The following SP5 variants were observed in gnomAD, a reference collection of about 807,000 sequenced individuals.
The protein encoded by SP5 is Sp5 transcription factor.
Under a neutral mutation model 27.4 loss-of-function variants are expected in SP5, and 12 were observed. That is an observed-to-expected ratio of 0.44 (90% CI 0.28 to 0.71). SP5 has a LOEUF of 0.71. Ranked by LOEUF, SP5 falls within the 30% of genes least tolerant of loss-of-function variation. The probability of loss-of-function intolerance (pLI) is 0.15; values close to 1 mark genes in which losing one functional copy is unlikely to be tolerated. For synonymous variants in SP5, 330 were observed against 290.7 expected, an observed-to-expected ratio of 1.14 and a Z score of -1.38; for missense variants, 660 against 589.8, an observed-to-expected ratio of 1.12 and a Z score of -1.23.
At position 170,716,894 on chromosome 2, in the gene SP5, T is replaced by C; in HGVS notation, c.687T>C (p.Ala229=). The part of the protein sequence containing the change: ...APRFPASAAA[A]AAAAAALQRG... ...GCTTCCCCGCCTCTGCGGCCGCTGC[T>C]GCTGCGGCCGCCGCCGCCCTACAAA... The change falls in exon 2 of 2, where the codon GCT becomes GCC. Residue 229 remains alanine, a synonymous_variant. Transcript: ENST00000375281. 6.6e-7 allele frequency: 1 copy of C among 1,524,526 alleles called. No homozygotes were observed. Among genetic ancestry groups the C allele is most frequent in the African/African-American group, 1.4e-5 (1 of 69,560 alleles). The allele number at this position is 1,524,526 out of a possible 1,614,324, so 94.4% of individuals were successfully genotyped here.
intron 1 of SP5, 181 bp from the exon 2 acceptor site, chr2:170,716,078 G>A: frequency 1.4e-6 from 2 of 1,400,578 alleles, no homozygotes; most frequent in Non-Finnish European, 1.8e-6. Context: ...GGTAGCGCAG[G>A]CACCAAAAGT....
chr2:170,716,465 G>C lies in SP5; in HGVS notation c.258G>C (p.Pro86=). 1.2e-6 allele frequency: 2 copies of C among 1,606,972 alleles called. No individual in the cohort carries two copies. The highest frequency in any genetic ancestry group is 1.7e-6 in the Non-Finnish European group (2 of 1,179,028). The change falls in exon 2 of 2, where the codon CCG becomes CCC. Residue 86 remains proline, a synonymous_variant. Transcript: ENST00000375281. ...CGGCGCACTCGCCAGGCGCACTGCCGCCCCCGCATCCCAGCTTGGGGCTGA... is the reference window on the plus strand; with the variant it reads ...CGGCGCACTCGCCAGGCGCACTGCCCCCCCCGCATCCCAGCTTGGGGCTGA... The part of the protein sequence containing the change: ...DMPAHSPGAL[P]PPHPSLGLTP...
At position 170,717,370 on chromosome 2, in the gene SP5, C is replaced by T. The variant is rs758670097; in HGVS notation, c.1163C>T (p.Ala388Val). ...AATAAGAAGCTCAAAGTCGCTGAGGCCGGGGTTAAGCGGGAGGACGCGCGG... is the reference window on the plus strand; with the variant it reads ...AATAAGAAGCTCAAAGTCGCTGAGGTCGGGGTTAAGCGGGAGGACGCGCGG... ...HQNKKLKVAE[A>V]GVKREDARDL The change falls in exon 2 of 2, where the codon GCC becomes GTC. Residue 388 changes from alanine to valine, a missense_variant. Ala to Val is a moderately conservative substitution (Grantham distance 64). Coordinates refer to ENST00000375281, the MANE Select transcript of SP5 (RefSeq NM_001003845.3). 2.5e-6 allele frequency: 4 copies of T among 1,611,236 alleles called. No homozygotes were observed. Among genetic ancestry groups the T allele is most frequent in the African/African-American group, 1.3e-5 (1 of 75,072 alleles).
chr2:170,717,142 A>C lies in SP5; in HGVS notation c.935A>C (p.His312Pro). 1.9e-6 allele frequency: 3 copies of C among 1,603,466 alleles called. No homozygotes were observed. The highest frequency in any genetic ancestry group is 2.6e-6 in the Non-Finnish European group (3 of 1,176,132). ...GGCAAGGTGTACGGGAAGACGTCGC[A>C]CCTGAAGGCGCACCTGCGCTGGCAC... Reference protein sequence around the residue: ...GCGKVYGKTSHLKAHLRWHTG... With the variant: ...GCGKVYGKTSPLKAHLRWHTG... The change falls in exon 2 of 2, where the codon CAC (histidine) becomes CCC (proline). Residue 312 changes from histidine to proline, a missense_variant. Coordinates refer to ENST00000375281, the MANE Select transcript of SP5 (RefSeq NM_001003845.3).
rs147886005 is a variant in SP5 at position 170,715,466 on chromosome 2, CGGCGGCGGCGTCCCGCT to C, written c.-46_-30del. The C allele has an allele frequency of 5.6e-4, 871 of 1,542,642 alleles. 3 individuals carry two copies. The African/African-American group carries it at 0.011, about 19-fold the overall frequency. ...TCCTCGCCTTCGGGTGTCCATGCCT[CGGCGGCGGCGTCCCGCT>C]CCGCAGCCAGGGGCCTGCAAGCCGT... is the stretch of plus-strand genomic sequence containing the variant. On this transcript the variant is annotated 5_prime_UTR_variant, in exon 1 of 2. An upstream open reading frame in the 5' UTR loses its in-frame stop. Coordinates refer to ENST00000375281, the MANE Select transcript of SP5 (RefSeq NM_001003845.3).
At position 170,716,755 on chromosome 2, in the gene SP5, C is replaced by A; in HGVS notation, c.548C>A (p.Ala183Asp). ...PTCRQLSPNP[A>D]PDDLPWWSIP... ...TGCCGCCAGTTGTCACCCAACCCGGCCCCCGACGACCTCCCGTGGTGGAGC... is the reference window on the plus strand; with the variant it reads ...TGCCGCCAGTTGTCACCCAACCCGGACCCCGACGACCTCCCGTGGTGGAGC... The change falls in exon 2 of 2, where the codon GCC (alanine) becomes GAC (aspartate). Residue 183 changes from alanine to aspartate, a missense_variant. Ala to Asp is a moderately radical substitution (Grantham distance 126, BLOSUM62 -2). Transcript: ENST00000375281. The A allele has an allele frequency of 2.7e-6, 4 of 1,459,014 alleles. No homozygotes were observed. Among genetic ancestry groups the A allele is most frequent in the Non-Finnish European group, 3.6e-6 (4 of 1,112,512 alleles). The allele number at this position is 1,459,014 out of a possible 1,614,324, so 90.4% of individuals were successfully genotyped here.
intron 1 of SP5, chr2:170,715,929 C>A: frequency 1.5e-6 from 2 of 1,339,044 alleles, no homozygotes; most frequent in Non-Finnish European, 1.9e-6. Context: ...GGGTGTTTCC[C>A]GACTCTTACT....
At position 170,717,284 on chromosome 2, in the gene SP5, C is replaced by T. The variant is rs1380693652; in HGVS notation, c.1077C>T (p.Pro359=). ...CGGGCGAGAAGCGCTTTGCCTGTCCCGAGTGCGGCAAGCGCTTCATGCGCA... is the reference window on the plus strand; with the variant it reads ...CGGGCGAGAAGCGCTTTGCCTGTCCTGAGTGCGGCAAGCGCTTCATGCGCA... ...THTGEKRFAC[P]ECGKRFMRSD... Residue 359 remains proline, a synonymous_variant, in exon 2 of 2, where the codon CCC becomes CCT. Coordinates refer to ENST00000375281, the MANE Select transcript of SP5 (RefSeq NM_001003845.3). The T allele has an allele frequency of 1.2e-6, 2 of 1,609,864 alleles. No individual in the cohort carries two copies. Among genetic ancestry groups the T allele is most frequent in the East Asian group, 2.2e-5 (1 of 44,860 alleles).
rs1487683599 is a variant in SP5, at chr2:170,715,361, G to C, written c.-152G>C. 3.0e-6 allele frequency: 3 copies of C among 1,007,238 alleles called. No homozygotes were observed. Among genetic ancestry groups the C allele is most frequent in the Non-Finnish European group, 2.7e-6 (2 of 745,630 alleles). The allele number at this position is 1,007,238 out of a possible 1,614,324, so 62.4% of individuals were successfully genotyped here. On this transcript the variant is annotated 5_prime_UTR_variant, in exon 1 of 2. Coordinates refer to ENST00000375281, the MANE Select transcript of SP5 (RefSeq NM_001003845.3). The stretch of plus-strand genomic sequence containing the variant: ...CAGACCGCGCGCGGGGCGAGCGAGC[G>C]GGGCGCGGCGAGGGGCAAGGGCGGG...
At position 170,716,798 on chromosome 2, in the gene SP5, CG is replaced by C; in HGVS notation, c.594del (p.Pro199ArgfsTer115). ...PWWSIPQAGAGPGASGVPGSG... is the reference protein window; with the variant it reads ...PWWSIPQAGAXPGASGVPGSG... ...GGTGGAGCATCCCGCAGGCGGGCGC[CG>C]GGCCGGGGGCCTCCGGGGTTCCGGG... is the stretch of plus-strand genomic sequence containing the variant. On this transcript the variant is annotated frameshift_variant, in exon 2 of 2. Coordinates refer to ENST00000375281, the MANE Select transcript of SP5 (RefSeq NM_001003845.3). LOFTEE classifies it high-confidence loss of function. The C allele has an allele frequency of 7.1e-7, 1 of 1,400,556 alleles. No homozygotes were observed. The highest frequency in any genetic ancestry group is 9.2e-7 in the Non-Finnish European group (1 of 1,082,460). The allele number at this position is 1,400,556 out of a possible 1,614,324, so 86.8% of individuals were successfully genotyped here.
Position 170,716,627 on chromosome 2 carries a change from C to T in SP5, c.420C>T (p.Ala140=). 6.2e-7 allele frequency: 1 copy of T among 1,607,604 alleles called. No homozygotes were observed. Among genetic ancestry groups the T allele is most frequent in the Non-Finnish European group, 8.5e-7 (1 of 1,178,136 alleles). ...MLPSSMAALP[A]SCAPAYVPYA... is the part of the protein sequence containing the mutation. ...CCTCGAGCATGGCGGCTCTGCCCGC[C>T]AGCTGCGCGCCCGCCTACGTGCCCT... The change falls in exon 2 of 2, where the codon GCC becomes GCT. Residue 140 remains alanine (A), a synonymous_variant. Coordinates refer to ENST00000375281, the MANE Select transcript of SP5 (RefSeq NM_001003845.3).
In SP5 at chr2:170,717,076, CG is replaced by C; in HGVS notation, c.873del (p.Lys292ArgfsTer22). 1 of 1,561,110 alleles carries C rather than the reference CG, an allele frequency of 6.4e-7. No homozygotes were observed. Among genetic ancestry groups the C allele is most frequent in the Non-Finnish European group, 8.7e-7 (1 of 1,153,894 alleles). ...QAAGGAPEAE[P>X]GKKKQHVCHV... ...GCGGGCGGCGCCCCCGAGGCGGAGCCGGGGAAGAAGAAGCAGCACGTGTGCC... is the reference window on the plus strand; with the variant it reads ...GCGGGCGGCGCCCCCGAGGCGGAGCCGGGAAGAAGAAGCAGCACGTGTGCC... On this transcript the variant is annotated frameshift_variant, in exon 2 of 2. Transcript: ENST00000375281. LOFTEE classifies it high-confidence loss of function.
In SP5 at chr2:170,716,134, G is replaced by A. The variant is rs1575381246; in HGVS notation, c.52-125G>A. ...GTGCGTGGGGTGCGGTGGCGGGGGA[G>A]GGACGGCCGGGACGGAGGAGGGGCG... On this transcript the variant is annotated intron_variant, in intron 1 of 1. Coordinates refer to ENST00000375281, the MANE Select transcript of SP5 (RefSeq NM_001003845.3). 7.1e-6 allele frequency: 10 copies of A among 1,411,264 alleles called. No homozygotes were observed. The East Asian group carries it at 2.2e-4, about 31-fold the overall frequency. 87.4% of individuals were successfully genotyped at this position (1,411,264 alleles called of 1,614,324 possible). A position where few individuals can be genotyped will look rare whatever the true frequency, so the allele number is the denominator to read the frequency against.
Position 170,717,592 on chromosome 2 carries a change from T to C in SP5, c.*188T>C. 1.3e-6 allele frequency: 1 copy of C among 787,406 alleles called. No homozygotes were observed. The highest frequency in any genetic ancestry group is 2.7e-5 in the East Asian group (1 of 37,194). The allele number at this position is 787,406 out of a possible 1,614,324, so 48.8% of individuals were successfully genotyped here. A position where few individuals can be genotyped will look rare whatever the true frequency, so the allele number is the denominator to read the frequency against. ...AGTTCCCAGGAGCGGGGAGGTAGGG[T>C]TGGGGCTGGGGCATTTGGATTGTAA... On this transcript the variant is annotated 3_prime_UTR_variant, in exon 2 of 2. Transcript: ENST00000375281.
chr2:170,716,473 A>T lies in SP5; in HGVS notation c.266A>T (p.His89Leu). The T allele has an allele frequency of 6.2e-7, 1 of 1,608,060 alleles. No homozygotes were observed. The highest frequency in any genetic ancestry group is 8.5e-7 in the Non-Finnish European group (1 of 1,179,062). Residue 89 changes from histidine (H) to leucine (L), a missense_variant, in exon 2 of 2, where the codon CAT becomes CTT. Transcript: ENST00000375281. ...TCGCCAGGCGCACTGCCGCCCCCGC[A>T]TCCCAGCTTGGGGCTGACGCCGCAG... ...AHSPGALPPP[H>L]PSLGLTPQKT...
chr2:170,716,192 T>G, intron 1 of SP5, 67 bp from the exon 2 acceptor site: 1 of 1,521,918 alleles, frequency 6.6e-7, no homozygotes, highest in Non-Finnish European at 8.7e-7. Flanking sequence ...GGCGGCGGGC[T>G]GGCCCGGAGT....
In SP5 at chr2:170,716,543, C is replaced by T. The variant is rs1019411365; in HGVS notation, c.336C>T (p.Pro112=). ...CCTTCGGGGCTGCGCACGAGCTTCC[C>T]CTTACACCCCCCGCCGACCCCTCGT... ...QPSFGAAHEL[P]LTPPADPSYP... is the part of the protein sequence containing the mutation. Residue 112 remains proline, a synonymous_variant, in exon 2 of 2, where the codon CCC becomes CCT. Coordinates refer to ENST00000375281, the MANE Select transcript of SP5 (RefSeq NM_001003845.3). The T allele has an allele frequency of 6.2e-7, 1 of 1,611,164 alleles. No individual in the cohort carries two copies. Among genetic ancestry groups the T allele is most frequent in the Non-Finnish European group, 8.5e-7 (1 of 1,179,240 alleles).
rs369910679 is a variant in SP5 at position 170,715,671 on chromosome 2, T to A, written c.51+108T>A. 2.0e-6 allele frequency: 3 copies of A among 1,468,390 alleles called. No homozygotes were observed. In the African/African-American group the frequency reaches 4.4e-5, roughly 21 times the overall value. The allele number at this position is 1,468,390 out of a possible 1,614,324, so 91.0% of individuals were successfully genotyped here. On this transcript the variant is annotated intron_variant, in intron 1 of 1. Transcript: ENST00000375281. ...CCTCAAAGGGAACCCCGCCGATGGGTGCAGCTGGAGCCAGGCCTAGGGGTG... is the reference window on the plus strand; with the variant it reads ...CCTCAAAGGGAACCCCGCCGATGGGAGCAGCTGGAGCCAGGCCTAGGGGTG...
intron 1 of SP5, 48 bp from the exon 2 acceptor site, chr2:170,716,211 G>A (rs780161434): frequency 1.9e-6 from 3 of 1,549,926 alleles, no homozygotes; most frequent in Non-Finnish European, 2.6e-6. Flanking sequence ...GTCCGCGCTT[G>A]GAGCTAACCT....
Sources: allele counts gnomAD v4.1 joint callset, GRCh38; gene constraint gnomAD v4.1.1; transcripts MANE v1.5; gene names NCBI Gene and HGNC (gene_info 2026-07-23, HGNC 2026-07-21).